SLC14A2: variants seen among roughly 807,000 people sequenced by gnomAD.
SLC14A2 encodes the protein solute carrier family 14 member 2, also known as urea transporter 2.
SLC14A2 carries 91 observed loss-of-function variants against 104.6 expected under a neutral mutation model. That is an observed-to-expected ratio of 0.87 (90% CI 0.73 to 1.04). The LOEUF is 1.04. SLC14A2 is among the 50% of genes least tolerant of loss of function. The pLI is 0.00. For synonymous variants in SLC14A2, 476 were observed against 466.4 expected (o/e 1.02, Z -0.27); for missense variants, 1,189 against 1,156.0 (o/e 1.03, Z -0.41).
Position 45,542,035 on chromosome 18 carries a change from G to GTTTTTTT in SLC14A2, c.-35+58744_-35+58750dup, listed in dbSNP as rs60977948. Among the ~76,000 whole-genome samples the GTTTTTTT allele has an allele frequency of 4.6e-3, 249 of 54,138 alleles. 7 individuals are homozygous for GTTTTTTT. Among genetic ancestry groups the GTTTTTTT allele is most frequent in the East Asian group, 7.5e-3 (9 of 1,198 alleles). 35.5% of individuals were successfully genotyped at this position (54,138 alleles called of 152,430 possible). ...GGGCTTGTTAGATGAAAGAGAGAGG[G>GTTTTTTT]TTTTTTTTTTTTTTTTTTTTTTTTT... On this transcript the variant is annotated intron_variant, in intron 2 of 20. Transcript: ENST00000586448.
At chr18:45,321,537 G>A (rs2085185174) in intron 1 of SLC14A2, among the ~76,000 whole-genome samples, 1 of 152,214 alleles carries the variant, frequency 6.6e-6, no homozygotes, top group Admixed American at 6.5e-5. Flanking sequence ...CTGTTCTGGA[G>A]CGTGGAGCCC....
the SLC14A2 span, among the ~76,000 whole-genome samples, chr18:45,192,143 C>G: frequency 6.6e-6 from 1 of 152,180 alleles, no homozygotes; most frequent in Non-Finnish European, 1.5e-5. Context: ...TGTCCGGATT[C>G]TAAAATAGTG....
chr18:45,248,142 G>A (rs2084385351), intron 1 of SLC14A2, among the ~76,000 whole-genome samples: 2 of 152,148 alleles, frequency 1.3e-5, no homozygotes, highest in African/African-American at 4.8e-5. Context: ...GCTGGCAAGA[G>A]TCACTGATTG....
At chr18:45,306,524 A>G (rs192524214) in intron 1 of SLC14A2, among the ~76,000 whole-genome samples, 3 of 152,346 alleles carry the variant, frequency 2.0e-5, no homozygotes, top group African/African-American at 7.2e-5. Flanking sequence ...ATAACACTTC[A>G]TAGGCACTGA....
chr18:45,249,015 T>C (rs1483247251), intron 1 of SLC14A2, among the ~76,000 whole-genome samples: 2 of 152,174 alleles, frequency 1.3e-5, no homozygotes, highest in African/African-American at 2.4e-5. Flanking sequence ...TTCCCTTTAG[T>C]GCCTTTTCAA....
intron 1 of SLC14A2, among the ~76,000 whole-genome samples, chr18:45,412,095 G>A (rs1274622284): frequency 6.6e-6 from 1 of 152,164 alleles, no homozygotes; most frequent in Non-Finnish European, 1.5e-5. Context: ...GTATTTTGTT[G>A]TTGTTAGTTT....
At chr18:45,308,112 T>A (rs1198451887) in intron 1 of SLC14A2, among the ~76,000 whole-genome samples, 1 of 152,178 alleles carries the variant, frequency 6.6e-6, no homozygotes, top group East Asian at 1.9e-4. Context: ...AAGCCATTCA[T>A]GAGGGATCTG....
rs182582813 is a variant in SLC14A2 at position 45,431,797 on chromosome 18, A to G, written c.-124-51436A>G. Among the ~76,000 whole-genome samples, 467 of 152,332 alleles carry G rather than the reference A, an allele frequency of 3.1e-3. 3 individuals carry two copies. The highest frequency in any genetic ancestry group is 0.011 in the African/African-American group (444 of 41,588). On this transcript the variant is annotated intron_variant, in intron 1 of 20. Coordinates refer to the SLC14A2 transcript ENST00000586448. Reference sequence around the variant, plus strand: ...TCTTTGCAGAGAACTGGGCTTTGCAAGGGGCCCATGGTAGCCAATAGGAGG... The same window carrying G: ...TCTTTGCAGAGAACTGGGCTTTGCAGGGGGCCCATGGTAGCCAATAGGAGG...
At position 45,575,001 on chromosome 18, in the gene SLC14A2, C is replaced by G. The variant is rs1288761223; in HGVS notation, c.-34-49630C>G. 4.6e-5 allele frequency among the ~76,000 whole-genome samples: 7 copies of G among 152,334 alleles called. No homozygotes were observed. In the East Asian group the frequency reaches 1.2e-3, roughly 25 times the overall value. ...CTCAGAAAGATGAAGCAAGGAGGAGCTCTGTCCACACCGACCATGGAAGTG... is the reference window on the plus strand; with the variant it reads ...CTCAGAAAGATGAAGCAAGGAGGAGGTCTGTCCACACCGACCATGGAAGTG... On this transcript the variant is annotated intron_variant, in intron 2 of 20. Coordinates refer to the SLC14A2 transcript ENST00000586448.
chr18:45,298,177 A>C (rs2084934915), intron 1 of SLC14A2, among the ~76,000 whole-genome samples: 1 of 152,192 alleles, frequency 6.6e-6, no homozygotes, highest in Admixed American at 6.5e-5. Flanking sequence ...TTCCCTATAA[A>C]ATAGCAGGAG....
At chr18:45,611,522 T>C (rs1389994542), upstream of SLC14A2, among the ~76,000 whole-genome samples, 1 of 152,132 alleles carries the variant, frequency 6.6e-6, no homozygotes, top group Admixed American at 6.5e-5. Context: ...AGACCCAGCT[T>C]CACACCATGG....
At chr18:45,389,689 A>G (rs532018374) in intron 1 of SLC14A2, among the ~76,000 whole-genome samples, 1 of 152,360 alleles carries the variant, frequency 6.6e-6, no homozygotes, top group African/African-American at 2.4e-5. Flanking sequence ...TGCCAGAGGC[A>G]ATATAGGCTT....
At chr18:45,669,223 C>T in intron 15 of SLC14A2, 83 bp from the exon 16 acceptor site, 1 of 1,164,318 alleles carries the variant, frequency 8.6e-7, no homozygotes, top group Non-Finnish European at 1.2e-6. Context: ...TCTAGGAAGG[C>T]ACAGGGAGCC....
At chr18:45,525,029 T>G (rs755076408) in intron 2 of SLC14A2, among the ~76,000 whole-genome samples, 1 of 152,154 alleles carries the variant, frequency 6.6e-6, no homozygotes. Context: ...GCTTTTAATA[T>G]CCACCTCCCT....
At chr18:45,615,834 TGTGA>T (rs759548045) in intron 1 of SLC14A2, among the ~76,000 whole-genome samples, 121 of 145,300 alleles carry the variant, frequency 8.3e-4, no homozygotes, top group Admixed American at 1.6e-3. Flanking sequence ...TGTGTGTGTG[TGTGA>T]GAGAGAGAGA....
At chr18:45,672,119 C>G (rs966340388) in intron 16 of SLC14A2, among the ~76,000 whole-genome samples, 1 of 152,166 alleles carries the variant, frequency 6.6e-6, no homozygotes, top group African/African-American at 2.4e-5. Context: ...AGATACTAGT[C>G]GAGTTCCTCC....
chr18:45,298,830 G>A (rs924743008), intron 1 of SLC14A2, among the ~76,000 whole-genome samples: 20 of 152,282 alleles, frequency 1.3e-4, no homozygotes, highest in African/African-American at 4.8e-4. Context: ...TGCCCCCAAA[G>A]ACCTGGTTTT....
At chr18:45,561,964 A>T (rs1317616718) in intron 2 of SLC14A2, among the ~76,000 whole-genome samples, 1 of 152,154 alleles carries the variant, frequency 6.6e-6, no homozygotes, top group African/African-American at 2.4e-5. Flanking sequence ...TTCTTTATCC[A>T]TGCCTTCATG....
intron 1 of SLC14A2, among the ~76,000 whole-genome samples, chr18:45,620,918 C>G (rs908036915): frequency 6.6e-6 from 1 of 152,146 alleles, no homozygotes; most frequent in African/African-American, 2.4e-5. Context: ...ATCTTAGATT[C>G]CATGAAATAT....
Sources: allele counts gnomAD v4.1 joint callset (sites outside exome capture counted in the v4.1 genomes callset), GRCh38; gene constraint gnomAD v4.1.1; transcripts MANE v1.5; gene names NCBI Gene and HGNC (gene_info 2026-07-23, HGNC 2026-07-21).